Variants in SCN9A observed in about 807,000 individuals in gnomAD.
SCN9A encodes sodium channel protein type 9 subunit alpha.
Under a neutral mutation model 187.0 loss-of-function variants are expected in SCN9A, and 131 were observed. That is an observed-to-expected ratio of 0.70 (90% confidence interval 0.61 to 0.81). The LOEUF is 0.81. SCN9A is among the 30% of genes least tolerant of loss of function. The pLI is 0.00. For missense variants in SCN9A, 2,252 were observed against 2,396.6 expected (o/e 0.94, Z 1.26); for synonymous variants, 809 against 808.6 (o/e 1.00, Z -0.01).
chr2:166,300,813 G>A (rs1462321868), intron 7 of SCN9A: 3 of 150,902 alleles, frequency 2.0e-5, no homozygotes, highest in African/African-American at 7.5e-5. Context: ...TGTGGTATAA[G>A]ATTCATTATT....
intron 18 of SCN9A, among the ~76,000 whole-genome samples, chr2:166,249,008 T>G (rs913607724): frequency 6.6e-6 from 1 of 152,048 alleles, no homozygotes; most frequent in Non-Finnish European, 1.5e-5. Context: ...TCTTTCATTA[T>G]TCTCCATCTA....
At chr2:166,268,831 T>C (rs1157431647) in intron 17 of SCN9A, among the ~76,000 whole-genome samples, 1 of 151,974 alleles carries the variant, frequency 6.6e-6, no homozygotes, top group African/African-American at 2.4e-5. Context: ...GAAAATTTTT[T>C]ATGAAGAAGG....
chr2:166,282,769 T>C (rs1189238527), intron 12 of SCN9A, among the ~76,000 whole-genome samples: 1 of 152,102 alleles, frequency 6.6e-6, no homozygotes, highest in African/African-American at 2.4e-5. Context: ...TGTGCATGGG[T>C]GTATTATGCA....
intron 1 of SCN9A, among the ~76,000 whole-genome samples, chr2:166,342,342 A>T (rs1354927835): frequency 5.9e-5 from 9 of 152,180 alleles, no homozygotes; most frequent in Non-Finnish European, 1.2e-4. Context: ...ACTTTTTGAC[A>T]CTGCAGGCCA....
At chr2:166,278,781 A>G (rs563844280) in intron 14 of SCN9A, among the ~76,000 whole-genome samples, 2 of 152,308 alleles carry the variant, frequency 1.3e-5, no homozygotes, top group African/African-American at 4.8e-5. Context: ...TTATCAGCAG[A>G]AGAGAAAAAA....
chr2:166,268,187 CAT>C lies in SCN9A; in HGVS notation c.3351+4210_3351+4211del, dbSNP rs1349091824. Among the ~76,000 whole-genome samples, 3 of 151,982 alleles carry C rather than the reference CAT, an allele frequency of 2.0e-5. No homozygotes were observed. The East Asian group carries it at 5.8e-4, about 29-fold the overall frequency. ...AATCTTTATTACAATCTATTTTACA[CAT>C]AAATAAACTGAAAAAAATGTTTTTG... On this transcript the variant is annotated intron_variant, in intron 17 of 26. Coordinates refer to ENST00000642356, the MANE Select transcript of SCN9A (RefSeq NM_001365536.1).
intron 25 of SCN9A, 65 bp downstream of exon 25, chr2:166,204,295 T>A (rs989910033): frequency 6.4e-7 from 1 of 1,556,818 alleles, no homozygotes; most frequent in Non-Finnish European, 8.8e-7. Flanking sequence ...ATTAAAGATG[T>A]GCATTAAAAA....
At chr2:166,202,586 T>C (rs1693592719) in intron 26 of SCN9A, among the ~76,000 whole-genome samples, 1 of 151,846 alleles carries the variant, frequency 6.6e-6, no homozygotes, top group South Asian at 2.1e-4. Flanking sequence ...TATAGATTAA[T>C]AAATTTGAAA....
At chr2:166,333,471 C>T (rs1487463387) in intron 1 of SCN9A, among the ~76,000 whole-genome samples, 2 of 152,044 alleles carry the variant, frequency 1.3e-5, no homozygotes. Context: ...CTCCATTCAA[C>T]ATTCATTAAT....
At chr2:166,282,609 T>C (rs897056510) in intron 12 of SCN9A, among the ~76,000 whole-genome samples, 2 of 152,112 alleles carry the variant, frequency 1.3e-5, no homozygotes, top group African/African-American at 2.4e-5. Flanking sequence ...CAAACAACTA[T>C]ACAACTCTAG....
rs200963646 is a variant in SCN9A, at chr2:166,288,593, A to T, written c.1158T>A (p.Ile386=). 73 of 1,611,998 alleles carry T rather than the reference A, an allele frequency of 4.5e-5. No individual in the cohort carries two copies. Among genetic ancestry groups the T allele is most frequent in the Admixed American group, 6.7e-5 (4 of 59,942 alleles). ...TTATTAGATAAAAGGAGCCCAGGAA[A>T]ATCACTACGACAAAGAAGATCATGT... ...KTYMIFFVVV[I]FLGSFYLINL... is the part of the protein sequence containing the mutation. Residue 386 remains isoleucine (I), a synonymous_variant, in exon 10 of 27, where the codon ATT becomes ATA. Coordinates refer to ENST00000642356, the MANE Select transcript of SCN9A (RefSeq NM_001365536.1).
intron 24 of SCN9A, among the ~76,000 whole-genome samples, chr2:166,223,988 A>G (rs1694738532): frequency 6.6e-6 from 1 of 152,192 alleles, no homozygotes; most frequent in South Asian, 2.1e-4. Context: ...GATAGGGGAT[A>G]TGAGTTTTTG....
intron 12 of SCN9A, 143 bp from the exon 13 acceptor site, chr2:166,281,951 C>CT: frequency 1.5e-6 from 1 of 645,664 alleles, no homozygotes; most frequent in Non-Finnish European, 2.5e-6. Flanking sequence ...CTGCTACTTA[C>CT]TGGCTGTATA....
chr2:166,307,991 C>T (rs1266983289), intron 2 of SCN9A, among the ~76,000 whole-genome samples: 7 of 152,070 alleles, frequency 4.6e-5, no homozygotes, highest in African/African-American at 1.4e-4. Context: ...CATTTCTCAC[C>T]GTATTCAGGA....
At position 166,306,862 on chromosome 2, in the gene SCN9A, T is replaced by C. The variant is rs4583483; in HGVS notation, c.377+94A>G. The stretch of plus-strand genomic sequence containing the variant: ...ATTAATAAACTAAAACCAGAGTCTT[T>C]CAAGGTGCAAAAGGTATAACATCTA... On this transcript the variant is annotated intron_variant, in intron 3 of 26. Transcript: ENST00000642356. 0.65 allele frequency: 461,092 copies of C among 708,280 alleles called. 152,525 individuals are homozygous for C. Among genetic ancestry groups the C allele is most frequent in the African/African-American group, 0.84 (46,336 of 55,380 alleles). The allele number at this position is 708,280 out of a possible 1,614,324, so 43.9% of individuals were successfully genotyped here.
intron 1 of SCN9A, among the ~76,000 whole-genome samples, chr2:166,352,656 T>C (rs1452855544): frequency 1.3e-5 from 2 of 152,224 alleles, no homozygotes; most frequent in Admixed American, 6.5e-5. Context: ...TTTTTCTTAG[T>C]TGCAGTAACA....
chr2:166,339,126 C>T (rs1468128491), intron 1 of SCN9A, among the ~76,000 whole-genome samples: 1 of 152,020 alleles, frequency 6.6e-6, no homozygotes, highest in African/African-American at 2.4e-5. Flanking sequence ...GGTAAACTGT[C>T]CTTGTAATTA....
intron 17 of SCN9A, among the ~76,000 whole-genome samples, chr2:166,266,886 T>C (rs1696764112): frequency 6.6e-6 from 1 of 151,996 alleles, no homozygotes; most frequent in Admixed American, 6.6e-5. Flanking sequence ...TAATATTGAT[T>C]TTTGCATGTT....
intron 24 of SCN9A, among the ~76,000 whole-genome samples, chr2:166,224,799 C>A (rs1694776434): frequency 6.6e-6 from 1 of 152,048 alleles, no homozygotes; most frequent in African/African-American, 2.4e-5. Flanking sequence ...AAAGCTCAGT[C>A]TCTAGAAAAA....
Sources: allele counts gnomAD v4.1 joint callset (sites outside exome capture counted in the v4.1 genomes callset), GRCh38; gene constraint gnomAD v4.1.1; transcripts MANE v1.5; gene names NCBI Gene and HGNC (gene_info 2026-07-23, HGNC 2026-07-21).